RHCG: variants seen among roughly 807,000 people sequenced by gnomAD.
RHCG encodes Rh family C glycoprotein.
Under a neutral mutation model 55.3 loss-of-function variants are expected in RHCG, and 39 were observed. The ratio of observed to expected loss-of-function variants is 0.70; its 90% CI spans 0.55 to 0.92. The LOEUF is 0.92. Ranked by LOEUF, RHCG falls within the 40% of genes least tolerant of loss-of-function variation. RHCG has a pLI of 0.00. For missense variants in RHCG, 635 were observed against 627.9 expected (o/e 1.01, Z -0.12); for synonymous variants, 250 against 246.8 (o/e 1.01, Z -0.12).
At chr15:89,479,854 T>A (rs1961232404) in intron 4 of RHCG, 1 of 373,952 alleles carries the variant, frequency 2.7e-6, no homozygotes, top group Admixed American at 4.3e-5. Context: ...AGGGCTGGGT[T>A]TTGAGAGACC....
intron 2 of RHCG, 76 bp downstream of exon 2, chr15:89,486,723 C>T (rs572958608): frequency 1.3e-6 from 2 of 1,494,308 alleles, no homozygotes; most frequent in African/African-American, 2.7e-5. Context: ...ATGGGCACGC[C>T]CTCCTCCCTC....
chr15:89,483,651 A>T (rs1283967518), intron 2 of RHCG, among the ~76,000 whole-genome samples: 1 of 151,940 alleles, frequency 6.6e-6, no homozygotes, highest in African/African-American at 2.4e-5. Context: ...CTGCCTCCAG[A>T]TCCTTATCTC....
intron 9 of RHCG, 91 bp from the exon 10 acceptor site, chr15:89,472,954 T>C (rs1010662647): frequency 2.4e-5 from 33 of 1,352,712 alleles, no homozygotes; most frequent in Admixed American, 3.3e-5. Flanking sequence ...AAATGGTGTG[T>C]GGCGAGCGCC....
rs1203709009 is a variant in RHCG at position 89,496,423 on chromosome 15, C to A, written c.122G>T (p.Trp41Leu). ...CAAGTTCTTGTGCGTCCTCTCTGACCACCAGTGGGCGTCGGCCTCGAAGTC... is the reference window on the plus strand; with the variant it reads ...CAAGTTCTTGTGCGTCCTCTCTGACAACCAGTGGGCGTCGGCCTCGAAGTC... ...RYDFEADAHW[W>L]SERTHKNLSD... The change falls in exon 1 of 11, where the codon TGG (tryptophan) becomes TTG (leucine). Residue 41 changes from tryptophan to leucine, a missense_variant. Trp to Leu is a moderately conservative substitution (Grantham distance 61). Transcript: ENST00000268122. The A allele has an allele frequency of 2.5e-6, 4 of 1,614,084 alleles. No individual in the cohort carries two copies. Among genetic ancestry groups the A allele is most frequent in the Non-Finnish European group, 3.4e-6 (4 of 1,179,984 alleles).
At chr15:89,496,300 T>A in intron 1 of RHCG, 61 bp downstream of exon 1, 1 of 1,578,136 alleles carries the variant, frequency 6.3e-7, no homozygotes, top group South Asian at 1.1e-5. Context: ...GGCCGAGCCC[T>A]TGGCCAGGTG....
rs746193385 is a variant in RHCG, at chr15:89,480,267, T to C, written c.664A>G (p.Met222Val). 16 of 1,613,910 alleles carry C rather than the reference T, an allele frequency of 9.9e-6. No homozygotes were observed. The Admixed American group carries it at 1.7e-4, about 17-fold the overall frequency. Residue 222 changes from methionine to valine, a missense_variant, in exon 4 of 11, where the codon ATG (methionine) becomes GTG (valine). Physicochemically the swap from Met to Val is conservative, Grantham distance 21. Transcript: ENST00000268122. ...NSVYQSDLFA[M>V]IGTLFLWMYW... ...TCATGATGGCAGTTCTCACCAATCA[T>C]GGCAAAGAGGTCCGACTGGTACACA...
Position 89,480,252 on chromosome 15 carries a change from AG to A in RHCG, c.670+8del. ...CATGGTGGCCCTCGGTCATGATGGC[AG>A]TTCTCACCAATCATGGCAAAGAGGT... On this transcript the variant is annotated splice_region_variant and intron_variant, in intron 4 of 10. Transcript: ENST00000268122. 1 of 1,613,900 alleles carries A rather than the reference AG, an allele frequency of 6.2e-7. No homozygotes were observed. The highest frequency in any genetic ancestry group is 8.5e-7 in the Non-Finnish European group (1 of 1,179,892).
chr15:89,486,351 C>G, intron 2 of RHCG: 1 of 456,770 alleles, frequency 2.2e-6, no homozygotes, highest in Admixed American at 2.3e-5. Flanking sequence ...AGTTCTCCCA[C>G]CAGAGTCCCG....
chr15:89,481,116 C>A (rs1251165618), intron 3 of RHCG, among the ~76,000 whole-genome samples: 1 of 152,130 alleles, frequency 6.6e-6, no homozygotes, highest in Non-Finnish European at 1.5e-5. Flanking sequence ...CTTAGGTGAG[C>A]CCCTTAACCC....
intron 2 of RHCG, among the ~76,000 whole-genome samples, chr15:89,485,198 T>G (rs1261502323): frequency 6.8e-6 from 1 of 147,566 alleles, no homozygotes; most frequent in Non-Finnish European, 1.5e-5. Context: ...TGAATTTTTT[T>G]GAGATTAAAA....
At chr15:89,474,145 A>G (rs1179796878) in intron 9 of RHCG, among the ~76,000 whole-genome samples, 1 of 152,242 alleles carries the variant, frequency 6.6e-6, no homozygotes, top group East Asian at 1.9e-4. Flanking sequence ...CAACCGTGTA[A>G]GAAAAATCTA....
intron 1 of RHCG, among the ~76,000 whole-genome samples, chr15:89,495,630 T>A (rs541392665): frequency 8.5e-5 from 13 of 152,180 alleles, no homozygotes; most frequent in Non-Finnish European, 1.9e-4. Flanking sequence ...TGCTCCATTA[T>A]GAAGAAAGGA....
At chr15:89,493,140 G>A (rs566638510) in intron 1 of RHCG, among the ~76,000 whole-genome samples, 22 of 152,292 alleles carry the variant, frequency 1.4e-4, no homozygotes, top group Admixed American at 2.6e-4. Flanking sequence ...TCATGACACA[G>A]TCCTCCCGGT....
intron 2 of RHCG, 116 bp downstream of exon 2, chr15:89,486,683 G>T: frequency 1.1e-6 from 1 of 926,178 alleles, no homozygotes; most frequent in Non-Finnish European, 1.6e-6. Flanking sequence ...AGGAGGAGTT[G>T]CCCTCCAGCC....
chr15:89,485,896 T>C (rs959031703), intron 2 of RHCG, among the ~76,000 whole-genome samples: 5 of 152,236 alleles, frequency 3.3e-5, no homozygotes, highest in Admixed American at 6.5e-5. Flanking sequence ...AAATGAGTCA[T>C]TCAGTGAGCT....
chr15:89,476,087 C>T (rs963316916), intron 9 of RHCG, among the ~76,000 whole-genome samples: 1 of 151,252 alleles, frequency 6.6e-6, no homozygotes, highest in Non-Finnish European at 1.5e-5. Context: ...CCCTGTCTCT[C>T]TCGGGATCTT....
rs541159532 is a variant in RHCG at position 89,472,633 on chromosome 15, T to C, written c.*24+78A>G. 7.1e-6 allele frequency: 10 copies of C among 1,407,266 alleles called. No individual in the cohort carries two copies. In the East Asian group the frequency reaches 2.2e-4, roughly 31 times the overall value. The allele number at this position is 1,407,266 out of a possible 1,614,324, so 87.2% of individuals were successfully genotyped here. On this transcript the variant is annotated intron_variant, in intron 10 of 10. Coordinates refer to ENST00000268122, the MANE Select transcript of RHCG (RefSeq NM_016321.3). ...TGATGTTTGCTTTTTGCCTCTTTGC[T>C]AGTAACATCTGATTCTGAGAGCTGG...
rs773304352 is a variant in RHCG, at chr15:89,486,896, T to C, written c.274A>G (p.Asn92Asp). Residue 92 changes from asparagine (N) to aspartate (D), a missense_variant, in exon 2 of 11, where the codon AAC becomes GAC. Coordinates refer to ENST00000268122, the MANE Select transcript of RHCG (RefSeq NM_016321.3). ...QRYGFSAVGF[N>D]FLLAAFGIQW... ...ATGCCGAAGGCTGCCAACAGGAAGT[T>C]GAAGCCCACGGCGCTGAAGCCGTAG... 1.6e-5 allele frequency: 26 copies of C among 1,612,914 alleles called. No individual in the cohort carries two copies. Among genetic ancestry groups the C allele is most frequent in the Non-Finnish European group, 2.0e-5 (23 of 1,179,202 alleles).
chr15:89,483,580 C>A (rs1961307981), intron 2 of RHCG, among the ~76,000 whole-genome samples: 1 of 152,164 alleles, frequency 6.6e-6, no homozygotes, highest in Admixed American at 6.5e-5. Context: ...TTTTCCAGAA[C>A]CTCCTTTTAC....
Sources: gnomAD v4.1 joint callset for allele counts (sites outside exome capture counted in the v4.1 genomes callset) on GRCh38, gnomAD v4.1.1 for gene constraint, MANE v1.5 for transcripts, NCBI Gene and HGNC (gene_info 2026-07-23, HGNC 2026-07-21) for gene names.